The following WLS variants were observed in gnomAD, a reference collection of about 807,000 sequenced individuals.
The protein encoded by WLS is protein wntless homolog.
WLS carries 23 observed loss-of-function variants against 62.8 expected under a neutral mutation model. The ratio of observed to expected loss-of-function variants is 0.37; its 90% confidence interval spans 0.26 to 0.52. WLS has a LOEUF of 0.52. WLS is among the 20% of genes least tolerant of loss of function. The pLI is 0.92. For synonymous variants in WLS, 246 were observed against 244.1 expected, an observed-to-expected ratio of 1.01 and a Z score of -0.07; for missense variants, 615 against 697.3, an observed-to-expected ratio of 0.88 and a Z score of 1.33.
At chr1:68,229,100 C>T (rs1380090570) in intron 1 of WLS, among the ~76,000 whole-genome samples, 1 of 151,870 alleles carries the variant, frequency 6.6e-6, no homozygotes, top group African/African-American at 2.4e-5. Flanking sequence ...ATTTTAGAAC[C>T]GAAAGGGACC....
chr1:68,130,303 C>T lies in WLS; in HGVS notation c.1517-3968G>A, dbSNP rs549562826. ...GGTCTTCTAATATTAATAAGGCCTA[C>T]GTACTTCCATCCTCACCACTACCAA... is the stretch of plus-strand genomic sequence containing the variant. On this transcript the variant is annotated intron_variant, in intron 11 of 11. Coordinates refer to ENST00000262348, the MANE Select transcript of WLS (RefSeq NM_024911.7). 1.8e-4 allele frequency among the ~76,000 whole-genome samples: 28 copies of T among 152,302 alleles called. 2 individuals carry two copies. In the South Asian group the frequency reaches 2.5e-3, roughly 14 times the overall value.
At chr1:68,222,889 G>A (rs978398396) in intron 1 of WLS, among the ~76,000 whole-genome samples, 7 of 131,358 alleles carry the variant, frequency 5.3e-5, no homozygotes, top group African/African-American at 1.9e-4. Context: ...ATGTATTGAT[G>A]CTGCCAAGGT....
intron 11 of WLS, among the ~76,000 whole-genome samples, chr1:68,131,563 C>T (rs1557463343): frequency 7.2e-5 from 11 of 151,890 alleles, no homozygotes; most frequent in Admixed American, 5.3e-4. Flanking sequence ...GAGCCATTGC[C>T]CATGGACCTC....
intron 1 of WLS, chr1:68,202,068 G>A (rs1255756493): frequency 6.6e-6 from 1 of 152,222 alleles, no homozygotes; most frequent in African/African-American, 2.4e-5. Context: ...ATATTTGTCA[G>A]GATCTACGTG....
chr1:68,188,582 G>A (rs144646439), intron 2 of WLS, among the ~76,000 whole-genome samples: 9 of 152,296 alleles, frequency 5.9e-5, no homozygotes, highest in East Asian at 1.9e-4. Context: ...GAATGAGGAC[G>A]GGAGATAATA....
rs551657287 is a variant in WLS, at chr1:68,146,118, T to C, written c.1135-106A>G. ...TGGCAATACTTGTTTTGTCTCCAAA[T>C]ATGTAGAAAATTTTCAAGGGGATAA... is the stretch of plus-strand genomic sequence containing the variant. On this transcript the variant is annotated intron_variant, in intron 8 of 11. Transcript: ENST00000262348. 2.1e-5 allele frequency: 28 copies of C among 1,328,118 alleles called. No homozygotes were observed. In the African/African-American group the frequency reaches 4.0e-4, roughly 19 times the overall value. 82.3% of individuals were successfully genotyped at this position (1,328,118 alleles called of 1,614,324 possible).
chr1:68,103,069 C>T (rs1011480795), intron 11 of WLS, among the ~76,000 whole-genome samples: 2 of 152,176 alleles, frequency 1.3e-5, no homozygotes, highest in African/African-American at 2.4e-5. Context: ...GGAACCTGCA[C>T]GTAGGTCTGC....
chr1:68,204,596 C>T (rs1409147531), intron 1 of WLS, among the ~76,000 whole-genome samples: 4 of 152,098 alleles, frequency 2.6e-5, no homozygotes, highest in South Asian at 4.1e-4. Context: ...CTTGAGCCAC[C>T]GCGCCCGGCC....
intron 2 of WLS, among the ~76,000 whole-genome samples, chr1:68,185,805 G>T (rs2100581040): frequency 6.6e-6 from 1 of 152,312 alleles, no homozygotes; most frequent in East Asian, 1.9e-4. Flanking sequence ...AAGTTCAGCT[G>T]TCTGGAAGCT....
At chr1:68,113,102 G>A (rs1462986592) in intron 11 of WLS, among the ~76,000 whole-genome samples, 2 of 152,190 alleles carry the variant, frequency 1.3e-5, no homozygotes, top group Non-Finnish European at 2.9e-5. Context: ...ACCACAGGAA[G>A]CCTTCTCTCT....
At chr1:68,213,673 C>A (rs1237785472) in intron 1 of WLS, among the ~76,000 whole-genome samples, 1 of 151,920 alleles carries the variant, frequency 6.6e-6, no homozygotes, top group East Asian at 1.9e-4. Flanking sequence ...AAGGCCCATA[C>A]CAAACCCCCA....
chr1:68,101,746 G>A (rs1252827914), intron 11 of WLS, among the ~76,000 whole-genome samples: 1 of 152,164 alleles, frequency 6.6e-6, no homozygotes, highest in African/African-American at 2.4e-5. Context: ...TCTCCCAATG[G>A]TGAAAGTTCA....
At chr1:68,134,129 T>G (rs557189411) in intron 11 of WLS, among the ~76,000 whole-genome samples, 3 of 152,318 alleles carry the variant, frequency 2.0e-5, no homozygotes, top group Middle Eastern at 3.4e-3. Context: ...TAAAGACACA[T>G]GTATCCTTCC....
rs1367324720 is a variant in WLS at position 68,159,169 on chromosome 1, T to C, written c.458A>G (p.His153Arg). Residue 153 changes from histidine to arginine, a missense_variant, in exon 3 of 12, where the codon CAT (histidine) becomes CGT (arginine). His to Arg is a conservative substitution (Grantham distance 29, BLOSUM62 0). Coordinates refer to ENST00000262348, the MANE Select transcript of WLS (RefSeq NM_024911.7). ...TTTGAGTTTCCGTGGTACTCTTTCA[T>C]GGGCCATTTCAGTCCACTCAGCAAA... Reference protein sequence around the residue: ...DAFAEWTEMAHERVPRKLKCT... With the variant: ...DAFAEWTEMARERVPRKLKCT... The C allele has an allele frequency of 6.2e-7, 1 of 1,614,140 alleles. No individual in the cohort carries two copies. The highest frequency in any genetic ancestry group is 1.1e-5 in the South Asian group (1 of 91,088).
At chr1:68,144,971 C>G (rs1557473603) in intron 9 of WLS, among the ~76,000 whole-genome samples, 1 of 152,164 alleles carries the variant, frequency 6.6e-6, no homozygotes, top group East Asian at 1.9e-4. Context: ...TTCAAAGTTA[C>G]CAAATCCAAG....
rs1030539092 is a variant in WLS at position 68,137,576 on chromosome 1, A to G, written c.1516+204T>C. On this transcript the variant is annotated intron_variant, in intron 11 of 11. Transcript: ENST00000262348. ...AATGTATTTTAGAGATTTAAAAATGAGGACTTAAAGAAAGATCTGGCTTGT... is the reference window on the plus strand; with the variant it reads ...AATGTATTTTAGAGATTTAAAAATGGGGACTTAAAGAAAGATCTGGCTTGT... Among the ~76,000 whole-genome samples the G allele has an allele frequency of 3.0e-4, 45 of 152,348 alleles. 1 individual carries two copies. Among genetic ancestry groups the G allele is most frequent in the East Asian group, 7.7e-4 (4 of 5,184 alleles).
chr1:68,100,928 C>T (rs1342765029), intron 11 of WLS, among the ~76,000 whole-genome samples: 1 of 152,206 alleles, frequency 6.6e-6, no homozygotes, highest in Non-Finnish European at 1.5e-5. Context: ...GTTTGCTTTA[C>T]TATGTATGCG....
rs1295897221 is a variant in WLS at position 68,159,318 on chromosome 1, C to A, written c.380-71G>T. 4.5e-6 allele frequency: 7 copies of A among 1,563,682 alleles called. No homozygotes were observed. In the African/African-American group the frequency reaches 5.5e-5, roughly 12 times the overall value. On this transcript the variant is annotated intron_variant, in intron 2 of 11. Coordinates refer to ENST00000262348, the MANE Select transcript of WLS (RefSeq NM_024911.7). ...TATTTTAGAAACAGCTCAAAAAATT[C>A]TTATAGGCTTTGACTTGGAAACCAA...
At chr1:68,157,383 C>T (rs1646913913) in intron 3 of WLS, among the ~76,000 whole-genome samples, 2 of 152,228 alleles carry the variant, frequency 1.3e-5, no homozygotes, top group Admixed American at 6.5e-5. Context: ...GACACTGGCT[C>T]AACCTTCCTG....
Sources: allele counts gnomAD v4.1 joint callset (sites outside exome capture counted in the v4.1 genomes callset), GRCh38; gene constraint gnomAD v4.1.1; transcripts MANE v1.5; gene names NCBI Gene and HGNC (gene_info 2026-07-23, HGNC 2026-07-21).